The following VPS13B variants were observed in gnomAD, a reference collection of about 807,000 sequenced individuals.
The protein encoded by VPS13B is intermembrane lipid transfer protein VPS13B.
A neutral mutation model predicts 426.4 loss-of-function variants in VPS13B; 285 were observed. The ratio of observed to expected loss-of-function variants is 0.67; its 90% CI spans 0.61 to 0.74. The LOEUF is 0.74. VPS13B is among the 30% of genes least tolerant of loss of function. The probability of loss-of-function intolerance (pLI) is 0.00; values close to 1 mark genes in which losing one functional copy is unlikely to be tolerated. For missense variants in VPS13B, 4,537 were observed against 4,782.6 expected (o/e 0.95, Z 1.51); for synonymous variants, 1,676 against 1,676.4 (o/e 1.00, Z 0.01).
chr8:99,430,756 C>T (rs1005277042), intron 21 of VPS13B, among the ~76,000 whole-genome samples: 5 of 147,312 alleles, frequency 3.4e-5, no homozygotes, highest in African/African-American at 1.3e-4. Context: ...CACTCTGTTG[C>T]CCAGGCTGTA....
At chr8:99,647,730 G>A (rs1192653190) in intron 34 of VPS13B, among the ~76,000 whole-genome samples, 2 of 150,816 alleles carry the variant, frequency 1.3e-5, no homozygotes, top group East Asian at 1.9e-4. Context: ...CAGGCACAGG[G>A]GACCTACACA....
At chr8:99,108,217 C>T (rs1233195871) in intron 5 of VPS13B, among the ~76,000 whole-genome samples, 4 of 152,078 alleles carry the variant, frequency 2.6e-5, no homozygotes, top group Admixed American at 6.6e-5. Context: ...ATGGTGGATA[C>T]GTCTTGTATT....
chr8:99,257,899 G>T (rs1817839660), intron 17 of VPS13B, among the ~76,000 whole-genome samples: 1 of 151,244 alleles, frequency 6.6e-6, no homozygotes, highest in Admixed American at 6.6e-5. Flanking sequence ...CTTTTACATA[G>T]TAGTCCTTCT....
chr8:99,274,567 A>G (rs1032033095), intron 18 of VPS13B, among the ~76,000 whole-genome samples: 2 of 152,174 alleles, frequency 1.3e-5, no homozygotes, highest in African/African-American at 4.8e-5. Flanking sequence ...GAGAAAAATT[A>G]AAGGAATGTT....
At position 99,809,553 on chromosome 8, in the gene VPS13B, C is replaced by T. The variant is rs755909066; in HGVS notation, c.8097+23C>T. 3 of 1,613,570 alleles carry T rather than the reference C, an allele frequency of 1.9e-6. No homozygotes were observed. The South Asian group carries it at 3.3e-5, about 18-fold the overall frequency. On this transcript the variant is annotated intron_variant, in intron 44 of 61. Coordinates refer to ENST00000357162, the MANE Select transcript of VPS13B (RefSeq NM_152564.5). ...CAGGTAAGTTTCTTTGTGTTCATGACCCAGACACCTCTTAATTATTCAGTG... is the reference window on the plus strand; with the variant it reads ...CAGGTAAGTTTCTTTGTGTTCATGATCCAGACACCTCTTAATTATTCAGTG...
At chr8:99,861,367 T>C (rs1024053959) in intron 57 of VPS13B, among the ~76,000 whole-genome samples, 1 of 152,222 alleles carries the variant, frequency 6.6e-6, no homozygotes, top group Non-Finnish European at 1.5e-5. Flanking sequence ...AGTGGTGCAA[T>C]TGCAGCTCAC....
At chr8:99,833,374 TATG>T (rs938322381) in intron 52 of VPS13B, among the ~76,000 whole-genome samples, 3 of 152,238 alleles carry the variant, frequency 2.0e-5, no homozygotes, top group Admixed American at 1.3e-4. Context: ...ATTGTGCCCT[TATG>T]ATAAGTACCT....
At chr8:99,522,244 C>G (rs1822409734) in intron 30 of VPS13B, among the ~76,000 whole-genome samples, 1 of 152,058 alleles carries the variant, frequency 6.6e-6, no homozygotes, top group South Asian at 2.1e-4. Flanking sequence ...TTTGGAAATT[C>G]TTTCAGGTGT....
intron 43 of VPS13B, among the ~76,000 whole-genome samples, chr8:99,792,580 A>T (rs1043341874): frequency 6.6e-6 from 1 of 152,166 alleles, no homozygotes; most frequent in African/African-American, 2.4e-5. Context: ...CTGATGGCCT[A>T]TGAAGAGGGT....
intron 35 of VPS13B, among the ~76,000 whole-genome samples, chr8:99,699,128 A>T (rs1192641060): frequency 1.4e-5 from 2 of 145,150 alleles, no homozygotes; most frequent in Non-Finnish European, 3.0e-5. Context: ...TAGTAAGGAA[A>T]GTCTTTTTTT....
intron 19 of VPS13B, among the ~76,000 whole-genome samples, chr8:99,323,192 T>C (rs915026751): frequency 3.9e-5 from 6 of 152,186 alleles, no homozygotes; most frequent in African/African-American, 2.4e-5. Flanking sequence ...ACTTTCACTT[T>C]GTTTTTCCTT....
Position 99,848,783 on chromosome 8 carries a change from TC to T in VPS13B, c.9952del (p.Leu3318Ter). Reference sequence around the variant, plus strand: ...TGAATATTCTTTCTGCAGGTTGTGTTCCTGACTGGCTTTGGCTATGTGTATG... The same window carrying T: ...TGAATATTCTTTCTGCAGGTTGTGTTCTGACTGGCTTTGGCTATGTGTATG... Reference protein sequence around the residue: ...DINSQGTQVVFLTGFGYVYVD... With the variant: ...DINSQGTQVVXLTGFGYVYVD... On this transcript the variant is annotated frameshift_variant, in exon 55 of 62. Coordinates refer to ENST00000357162, the MANE Select transcript of VPS13B (RefSeq NM_152564.5). LOFTEE classifies it high-confidence loss of function. 1 of 1,614,128 alleles carries T rather than the reference TC, an allele frequency of 6.2e-7. No individual in the cohort carries two copies. Among genetic ancestry groups the T allele is most frequent in the South Asian group, 1.1e-5 (1 of 91,078 alleles).
intron 21 of VPS13B, among the ~76,000 whole-genome samples, chr8:99,399,780 G>C (rs1418736742): frequency 2.0e-5 from 3 of 152,124 alleles, no homozygotes; most frequent in Middle Eastern, 3.2e-3. Context: ...CATGTGTGCC[G>C]TGCGGAGTAT....
At chr8:99,814,476 A>T (rs1563487187) in intron 44 of VPS13B, among the ~76,000 whole-genome samples, 1 of 152,224 alleles carries the variant, frequency 6.6e-6, no homozygotes, top group Non-Finnish European at 1.5e-5. Context: ...AAAGCTGTAT[A>T]CATCCTCTGA....
intron 15 of VPS13B, among the ~76,000 whole-genome samples, chr8:99,160,283 A>G (rs1243452523): frequency 6.6e-6 from 1 of 152,234 alleles, no homozygotes; most frequent in Non-Finnish European, 1.5e-5. Flanking sequence ...GCAAGCAGAG[A>G]TGTATAGTTT....
chr8:99,293,760 AT>A (rs1819875423), intron 19 of VPS13B, among the ~76,000 whole-genome samples: 1 of 152,200 alleles, frequency 6.6e-6, no homozygotes, highest in African/African-American at 2.4e-5. Flanking sequence ...AAAAGAAGAC[AT>A]TTATGCAGCC....
intron 2 of VPS13B, among the ~76,000 whole-genome samples, chr8:99,032,692 G>A (rs1842571795): frequency 1.1e-5 from 1 of 94,938 alleles, no homozygotes; most frequent in African/African-American, 4.4e-5. Flanking sequence ...ACCATGTCGG[G>A]CTATTTTTGT....
chr8:99,179,629 T>C (rs1338162259), intron 16 of VPS13B, among the ~76,000 whole-genome samples: 1 of 152,218 alleles, frequency 6.6e-6, no homozygotes, highest in Non-Finnish European at 1.5e-5. Flanking sequence ...AATGTTCTTG[T>C]TTTTCATTGT....
intron 39 of VPS13B, among the ~76,000 whole-genome samples, chr8:99,749,786 T>A (rs1810300516): frequency 6.6e-6 from 1 of 152,090 alleles, no homozygotes; most frequent in African/African-American, 2.4e-5. Flanking sequence ...CATATGATAG[T>A]TCTATTTTTA....
Sources: allele counts gnomAD v4.1 joint callset (sites outside exome capture counted in the v4.1 genomes callset), GRCh38; gene constraint gnomAD v4.1.1; transcripts MANE v1.5; gene names NCBI Gene and HGNC (gene_info 2026-07-23, HGNC 2026-07-21).